Variants in NCKAP5 observed in about 807,000 individuals in gnomAD.
NCKAP5 encodes the protein nck-associated protein 5.
In NCKAP5, 92 loss-of-function variants were observed where a neutral mutation model predicts 167.0. The observed-to-expected ratio is 0.55, with a 90% confidence interval of 0.47 to 0.66. NCKAP5 has a LOEUF of 0.66. Ranked by LOEUF, NCKAP5 falls within the 30% of genes least tolerant of loss-of-function variation. The pLI, the probability that NCKAP5 is intolerant of heterozygous loss-of-function variation, is 0.00. For synonymous variants in NCKAP5, 891 were observed against 877.4 expected (o/e 1.02, Z -0.27); for missense variants, 2,378 against 2,315.0 (o/e 1.03, Z -0.56).
intron 7 of NCKAP5, among the ~76,000 whole-genome samples, chr2:132,965,280 C>G (rs745443362): frequency 9.2e-5 from 14 of 152,294 alleles, no homozygotes; most frequent in Middle Eastern, 6.8e-3. Context: ...TTAAGATGTA[C>G]ATCCACAGGC....
At chr2:132,994,722 T>C (rs2149311403) in intron 6 of NCKAP5, among the ~76,000 whole-genome samples, 1 of 152,352 alleles carries the variant, frequency 6.6e-6, no homozygotes, top group East Asian at 1.9e-4. Flanking sequence ...CAGTCATGCA[T>C]TGCTTCATAA....
At chr2:132,947,545 C>A (rs1697844060) in intron 8 of NCKAP5, among the ~76,000 whole-genome samples, 1 of 152,094 alleles carries the variant, frequency 6.6e-6, no homozygotes, top group South Asian at 2.1e-4. Context: ...ATTATCTTGG[C>A]TTATCATCCC....
At chr2:132,890,576 G>A (rs756162636) in intron 8 of NCKAP5, among the ~76,000 whole-genome samples, 3 of 152,124 alleles carry the variant, frequency 2.0e-5, no homozygotes, top group East Asian at 1.9e-4. Flanking sequence ...GTGGCTAAGC[G>A]TGCCAGCCAG....
intron 8 of NCKAP5, among the ~76,000 whole-genome samples, chr2:132,924,719 T>C (rs1320475079): frequency 1.3e-5 from 2 of 152,186 alleles, no homozygotes; most frequent in Non-Finnish European, 2.9e-5. Flanking sequence ...AGGGATTTCA[T>C]TTGACTAAGC....
At chr2:133,103,282 G>A (rs148388883) in intron 6 of NCKAP5, among the ~76,000 whole-genome samples, 441 of 152,192 alleles carry the variant, frequency 2.9e-3, no homozygotes, top group African/African-American at 0.01. Flanking sequence ...AAGCTGTGTA[G>A]GGCAGTGGTT....
chr2:133,296,633 A>G (rs1421048016), intron 4 of NCKAP5, among the ~76,000 whole-genome samples: 1 of 152,218 alleles, frequency 6.6e-6, no homozygotes, highest in African/African-American at 2.4e-5. Flanking sequence ...AATGCAATAT[A>G]ATATTCCAGA....
At chr2:133,251,439 C>T (rs6749816) in intron 4 of NCKAP5, among the ~76,000 whole-genome samples, 12 of 152,172 alleles carry the variant, frequency 7.9e-5, no homozygotes, top group African/African-American at 2.4e-4. Flanking sequence ...CCAAGCCTTG[C>T]ATGAATTTGC....
intron 3 of NCKAP5, among the ~76,000 whole-genome samples, chr2:133,332,346 A>G (rs1291104813): frequency 6.6e-6 from 1 of 152,112 alleles, no homozygotes; most frequent in Non-Finnish European, 1.5e-5. Flanking sequence ...CCAACACTCC[A>G]ATGCACCCAG....
At chr2:133,161,593 A>T (rs1292233519) in intron 5 of NCKAP5, among the ~76,000 whole-genome samples, 1 of 152,126 alleles carries the variant, frequency 6.6e-6, no homozygotes. Flanking sequence ...GAGAGGCACC[A>T]CCTAGCATTG....
chr2:132,793,563 G>A (rs1392236707), intron 12 of NCKAP5, among the ~76,000 whole-genome samples: 2 of 152,198 alleles, frequency 1.3e-5, no homozygotes, highest in East Asian at 1.9e-4. Flanking sequence ...GCTATTCTGT[G>A]ACCCATGCTT....
intron 5 of NCKAP5, among the ~76,000 whole-genome samples, chr2:133,165,102 T>C (rs1023888469): frequency 2.6e-5 from 4 of 152,116 alleles, no homozygotes; most frequent in Non-Finnish European, 5.9e-5. Context: ...GTGACTGCCA[T>C]CTGCAAGGTG....
Position 132,834,643 on chromosome 2 carries a change from C to A in NCKAP5, c.807+25849G>T, listed in dbSNP as rs540706727. On this transcript the variant is annotated intron_variant, in intron 11 of 19. Transcript: ENST00000409261. ...TACAGGCGTGAGCCACCGCACCCAG[C>A]CAACTTTTTTTAAATTTTAAATTTT... Among the ~76,000 whole-genome samples the A allele has an allele frequency of 5.5e-4, 84 of 152,232 alleles. 1 individual carries two copies. Among genetic ancestry groups the A allele is most frequent in the Non-Finnish European group, 9.9e-4 (67 of 68,016 alleles).
intron 11 of NCKAP5, among the ~76,000 whole-genome samples, chr2:132,820,311 ACT>A (rs1458429685): frequency 6.6e-6 from 1 of 151,496 alleles, no homozygotes; most frequent in African/African-American, 2.4e-5. Context: ...CTCACTGCAA[ACT>A]CTGCCTTCCG....
intron 2 of NCKAP5, among the ~76,000 whole-genome samples, chr2:133,525,905 C>T (rs1215433063): frequency 1.3e-5 from 2 of 152,054 alleles, no homozygotes; most frequent in East Asian, 3.9e-4. Context: ...ACTTATTTCA[C>T]ATTTCTTTGC....
At chr2:133,232,398 A>C (rs2087193971) in intron 4 of NCKAP5, among the ~76,000 whole-genome samples, 1 of 152,224 alleles carries the variant, frequency 6.6e-6, no homozygotes, top group African/African-American at 2.4e-5. Flanking sequence ...GCTTTGGAGA[A>C]GGGCTCAAGC....
At chr2:133,078,829 G>A (rs965312516) in intron 6 of NCKAP5, among the ~76,000 whole-genome samples, 2 of 152,146 alleles carry the variant, frequency 1.3e-5, no homozygotes, top group African/African-American at 4.8e-5. Flanking sequence ...AACAAGAGAT[G>A]CCTTGGTGTG....
chr2:132,889,955 A>G (rs1272332642), intron 8 of NCKAP5, among the ~76,000 whole-genome samples: 6 of 152,150 alleles, frequency 3.9e-5, no homozygotes, highest in Non-Finnish European at 8.8e-5. Context: ...TGAAGGCAAA[A>G]AGAGAGAGAA....
chr2:133,426,348 T>A, intron 3 of NCKAP5, among the ~76,000 whole-genome samples: 1 of 140,480 alleles, frequency 7.1e-6, no homozygotes. Context: ...TGCAGTAAAA[T>A]CCAGAGGAAA....
At chr2:133,227,822 T>C (rs1028320000) in intron 4 of NCKAP5, among the ~76,000 whole-genome samples, 1 of 152,154 alleles carries the variant, frequency 6.6e-6, no homozygotes, top group Non-Finnish European at 1.5e-5. Context: ...TTTCTCCTGG[T>C]TGCAAGTAAC....
Sources: allele counts gnomAD v4.1 joint callset (sites outside exome capture counted in the v4.1 genomes callset), GRCh38; gene constraint gnomAD v4.1.1; transcripts MANE v1.5; gene names NCBI Gene and HGNC (gene_info 2026-07-23, HGNC 2026-07-21).